ASTN2: variants seen among roughly 807,000 people sequenced by gnomAD.
ASTN2 encodes the protein astrotactin-2.
ASTN2 carries 54 observed loss-of-function variants against 139.8 expected under a neutral mutation model. The observed-to-expected ratio is 0.39, with a 90% CI of 0.31 to 0.48. The LOEUF (loss-of-function observed/expected upper bound fraction) is 0.48, where lower values mean the gene tolerates loss of function less well. Among genes scored for constraint, ASTN2 ranks in the 20% least tolerant of loss-of-function variants. The pLI, the probability that ASTN2 is intolerant of heterozygous loss-of-function variation, is 0.95. For missense variants in ASTN2, 1,565 were observed against 1,725.1 expected, an observed-to-expected ratio of 0.91 and a Z score of 1.64; for synonymous variants, 756 against 719.5, an observed-to-expected ratio of 1.05 and a Z score of -0.81.
intron 5 of ASTN2, among the ~76,000 whole-genome samples, chr9:117,083,875 C>T (rs1230335831): frequency 2.0e-5 from 3 of 152,018 alleles, no homozygotes; most frequent in East Asian, 3.9e-4. Context: ...AAGAGGAGTA[C>T]AGAGAACAAT....
chr9:117,240,531 A>G (rs1169431349), intron 2 of ASTN2, among the ~76,000 whole-genome samples: 3 of 152,200 alleles, frequency 2.0e-5, no homozygotes, highest in African/African-American at 7.2e-5. Flanking sequence ...GGAGAAAGAC[A>G]TAAGATTAGG....
intron 19 of ASTN2, among the ~76,000 whole-genome samples, chr9:116,571,850 C>T (rs1031623064): frequency 2.6e-5 from 4 of 152,034 alleles, no homozygotes; most frequent in African/African-American, 9.7e-5. Flanking sequence ...ATCTGCCTTT[C>T]GTTGGCTGCA....
At position 117,137,553 on chromosome 9, in the gene ASTN2, T is replaced by C. The variant is rs552526236; in HGVS notation, c.1168+3773A>G. On this transcript the variant is annotated intron_variant, in intron 4 of 22. Transcript: ENST00000313400. ...AGCAAGTCATTAATAAATGTTCCAA[T>C]GGGAGAAATAAGAGTTTGCAGTCAA... 2.0e-5 allele frequency among the ~76,000 whole-genome samples: 3 copies of C among 152,282 alleles called. No individual in the cohort carries two copies. The South Asian group carries it at 6.2e-4, about 32-fold the overall frequency.
intron 1 of ASTN2, among the ~76,000 whole-genome samples, chr9:117,342,368 C>T (rs139215702): frequency 0.011 from 1,654 of 152,232 alleles, 18 homozygotes; most frequent in South Asian, 0.019. Flanking sequence ...CATGTTTGTT[C>T]GAATAATTCA....
chr9:117,327,349 C>T (rs1457066707), intron 1 of ASTN2, among the ~76,000 whole-genome samples: 1 of 152,142 alleles, frequency 6.6e-6, no homozygotes, highest in Non-Finnish European at 1.5e-5. Flanking sequence ...TGACAACCTA[C>T]AGCAGCACCT....
chr9:116,682,704 T>C (rs1478750212), intron 16 of ASTN2, among the ~76,000 whole-genome samples: 1 of 152,130 alleles, frequency 6.6e-6, no homozygotes, highest in Admixed American at 6.5e-5. Context: ...CCATAAAAAA[T>C]GATGAGTTCA....
At chr9:116,464,853 C>G (rs2118982275) in intron 20 of ASTN2, among the ~76,000 whole-genome samples, 1 of 152,332 alleles carries the variant, frequency 6.6e-6, no homozygotes, top group East Asian at 1.9e-4. Context: ...CAACCACTCA[C>G]TGATAAGTAA....
At chr9:117,172,527 ATGCATCACCTC>A (rs1187974926) in intron 3 of ASTN2, among the ~76,000 whole-genome samples, 4 of 152,124 alleles carry the variant, frequency 2.6e-5, no homozygotes, top group African/African-American at 9.7e-5. Context: ...ATTAATCTAC[ATGCATCACCTC>A]ATACATTCCT....
In ASTN2 at chr9:116,777,827, T is replaced by G. The variant is rs944976830; in HGVS notation, c.2396+27805A>C. ...TTCCTGGGAAATGAAGCAAATTGCATTACTTTCTCTTTTTTTTGTTTTTTG... is the reference window on the plus strand; with the variant it reads ...TTCCTGGGAAATGAAGCAAATTGCAGTACTTTCTCTTTTTTTTGTTTTTTG... On this transcript the variant is annotated intron_variant, in intron 13 of 22. Transcript: ENST00000313400. Among the ~76,000 whole-genome samples the G allele has an allele frequency of 3.3e-5, 5 of 150,340 alleles. 1 individual carries two copies. Among genetic ancestry groups the G allele is most frequent in the Admixed American group, 2.7e-4 (4 of 14,914 alleles).
rs543158700 is a variant in ASTN2, at chr9:117,025,354, C to T, written c.1423+14465G>A. ...ATGTGCCCTCACCCCTGTACTCATG[C>T]CCCCCCTTTTGGGGTAGCAGAAGCT... On this transcript the variant is annotated intron_variant, in intron 6 of 22. Coordinates refer to ENST00000313400, the MANE Select transcript of ASTN2 (RefSeq NM_001365068.1). Among the ~76,000 whole-genome samples the T allele has an allele frequency of 1.6e-4, 25 of 152,222 alleles. 1 individual carries two copies. The South Asian group carries it at 4.8e-3, about 29-fold the overall frequency.
At chr9:116,508,619 A>G (rs1850217300) in intron 19 of ASTN2, among the ~76,000 whole-genome samples, 2 of 152,190 alleles carry the variant, frequency 1.3e-5, no homozygotes, top group South Asian at 2.1e-4. Context: ...ACCTTACAAC[A>G]GCACTTCAGC....
At chr9:117,028,663 T>A (rs1048830656) in intron 6 of ASTN2, among the ~76,000 whole-genome samples, 4 of 152,264 alleles carry the variant, frequency 2.6e-5, no homozygotes, top group African/African-American at 9.6e-5. Context: ...TTCTAAGCTG[T>A]CTTCAAATGG....
intron 19 of ASTN2, among the ~76,000 whole-genome samples, chr9:116,510,970 T>C (rs971165317): frequency 9.2e-5 from 14 of 152,228 alleles, no homozygotes; most frequent in Admixed American, 3.3e-4. Context: ...TGACTTCCTC[T>C]TTTCCTAATT....
At chr9:116,554,288 G>A (rs1455192126) in intron 19 of ASTN2, among the ~76,000 whole-genome samples, 1 of 152,118 alleles carries the variant, frequency 6.6e-6, no homozygotes, top group Non-Finnish European at 1.5e-5. Context: ...TACGTGGAAG[G>A]TGAATTGTTT....
intron 10 of ASTN2, among the ~76,000 whole-genome samples, chr9:116,920,020 A>C (rs1029650905): frequency 6.6e-6 from 1 of 152,064 alleles, no homozygotes; most frequent in African/African-American, 2.4e-5. Flanking sequence ...CAGAAACAGC[A>C]CTTCCTGCTC....
chr9:116,532,458 T>C (rs1338631516), intron 19 of ASTN2, among the ~76,000 whole-genome samples: 1 of 152,210 alleles, frequency 6.6e-6, no homozygotes, highest in Admixed American at 6.5e-5. Flanking sequence ...CTGAATGGTA[T>C]TGCCTAGGAT....
intron 6 of ASTN2, among the ~76,000 whole-genome samples, chr9:117,016,591 T>C (rs114498788): frequency 0.023 from 781 of 34,218 alleles, 27 homozygotes; most frequent in African/African-American, 0.078. Flanking sequence ...TATTCTAGGT[T>C]TTATATATAT....
intron 3 of ASTN2, among the ~76,000 whole-genome samples, chr9:117,150,952 C>T (rs1164936622): frequency 1.3e-5 from 2 of 152,136 alleles, no homozygotes; most frequent in Non-Finnish European, 2.9e-5. Flanking sequence ...ATCCCTCACT[C>T]AGCCTCCCAA....
chr9:116,780,147 G>A (rs964038485), intron 13 of ASTN2, among the ~76,000 whole-genome samples: 3 of 152,156 alleles, frequency 2.0e-5, no homozygotes, highest in Non-Finnish European at 4.4e-5. Context: ...CTGCTCTTGA[G>A]AAATTCACAA....
Sources: allele counts gnomAD v4.1 joint callset (sites outside exome capture counted in the v4.1 genomes callset), GRCh38; gene constraint gnomAD v4.1.1; transcripts MANE v1.5; gene names NCBI Gene and HGNC (gene_info 2026-07-23, HGNC 2026-07-21).